The following NYAP2 variants were observed in gnomAD, a reference collection of about 807,000 sequenced individuals.
The protein encoded by NYAP2 is neuronal tyrosine-phosphorylated phosphoinositide-3-kinase adapter 2.
NYAP2 carries 23 observed loss-of-function variants against 50.4 expected under a neutral mutation model. The observed-to-expected ratio is 0.46, with a 90% confidence interval of 0.33 to 0.65. The LOEUF (loss-of-function observed/expected upper bound fraction) is 0.65, where lower values mean the gene tolerates loss of function less well. NYAP2 is among the 30% of genes least tolerant of loss of function. The pLI is 0.02. For synonymous variants in NYAP2, 394 were observed against 365.2 expected (o/e 1.08, Z -0.90); for missense variants, 885 against 861.0 (o/e 1.03, Z -0.35).
At chr2:225,479,100 T>C (rs982911917) in intron 3 of NYAP2, among the ~76,000 whole-genome samples, 3 of 152,158 alleles carry the variant, frequency 2.0e-5, no homozygotes, top group African/African-American at 7.2e-5. Context: ...TTGGGAACAG[T>C]CAACGAGTGG....
At chr2:225,657,781 T>C (rs189462400), downstream of NYAP2, among the ~76,000 whole-genome samples, 44 of 152,208 alleles carry the variant, frequency 2.9e-4, no homozygotes, top group Admixed American at 2.6e-3. Flanking sequence ...CCAGGGACAT[T>C]TTACCTGATC....
At chr2:225,436,015 T>C (rs1689369736) in intron 3 of NYAP2, among the ~76,000 whole-genome samples, 1 of 152,172 alleles carries the variant, frequency 6.6e-6, no homozygotes, top group Non-Finnish European at 1.5e-5. Flanking sequence ...AAATATAAGA[T>C]AAAATTATTT....
chr2:225,466,575 G>C (rs1689922189), intron 3 of NYAP2, among the ~76,000 whole-genome samples: 1 of 152,100 alleles, frequency 6.6e-6, no homozygotes, highest in Non-Finnish European at 1.5e-5. Flanking sequence ...TTATTCTTAT[G>C]ATTTTCCAGT....
chr2:225,667,773 T>C, the NYAP2 span, among the ~76,000 whole-genome samples: 2 of 152,152 alleles, frequency 1.3e-5, no homozygotes, highest in South Asian at 2.1e-4. Context: ...GTTTCATATT[T>C]TCCTTTTGAA....
At chr2:225,477,868 A>G (rs1057066984) in intron 3 of NYAP2, among the ~76,000 whole-genome samples, 1 of 152,184 alleles carries the variant, frequency 6.6e-6, no homozygotes, top group Non-Finnish European at 1.5e-5. Flanking sequence ...TGTAGAGAAA[A>G]CAGGAGAAAA....
chr2:225,664,432 T>C, the NYAP2 span, among the ~76,000 whole-genome samples: 3 of 152,176 alleles, frequency 2.0e-5, no homozygotes, highest in Non-Finnish European at 2.9e-5. Flanking sequence ...TAGTATGTCA[T>C]TGTATCACTG....
intron 3 of NYAP2, among the ~76,000 whole-genome samples, chr2:225,447,674 G>T (rs1279041055): frequency 3.3e-5 from 5 of 152,078 alleles, no homozygotes; most frequent in Non-Finnish European, 7.4e-5. Context: ...TGATTAAATA[G>T]AAGAGGTTGA....
chr2:225,580,207 C>A lies in NYAP2; in HGVS notation c.524-1734C>A, dbSNP rs373972392. Among the ~76,000 whole-genome samples, 23 of 152,318 alleles carry A rather than the reference C, an allele frequency of 1.5e-4. No individual in the cohort carries two copies. The East Asian group carries it at 3.5e-3, about 23-fold the overall frequency. On this transcript the variant is annotated intron_variant, in intron 4 of 6. Coordinates refer to ENST00000636099, the Ensembl canonical transcript of NYAP2. ...CAAGTCCTGACCAAAACTTTGTCAA[C>A]CTTGTTCACTGATTTACAGTTTTAC...
chr2:225,578,672 G>C (rs953653427), intron 4 of NYAP2, among the ~76,000 whole-genome samples: 1 of 152,154 alleles, frequency 6.6e-6, no homozygotes, highest in African/African-American at 2.4e-5. Context: ...AAGTTAAGGA[G>C]ATAAGGGACA....
chr2:225,629,196 GC>G (rs1264500978), intron 6 of NYAP2, among the ~76,000 whole-genome samples: 1 of 152,140 alleles, frequency 6.6e-6, no homozygotes, highest in Non-Finnish European at 1.5e-5. Flanking sequence ...AATCCCAAAA[GC>G]TAGAATGCAG....
At chr2:225,698,842 TTACTA>T in the NYAP2 span, 2 of 151,928 alleles carry the variant, frequency 1.3e-5, no homozygotes, top group Non-Finnish European at 2.9e-5. Flanking sequence ...TATCAAGAGT[TTACTA>T]TATGATATAA....
chr2:225,622,839 C>T (rs1693145529), intron 5 of NYAP2, among the ~76,000 whole-genome samples: 1 of 152,068 alleles, frequency 6.6e-6, no homozygotes, highest in Admixed American at 6.6e-5. Context: ...CCTGCCTTTG[C>T]CTCCCAAAGT....
chr2:225,562,118 G>C (rs1486238172), intron 4 of NYAP2, among the ~76,000 whole-genome samples: 1 of 152,122 alleles, frequency 6.6e-6, no homozygotes, highest in Non-Finnish European at 1.5e-5. Flanking sequence ...TGTTTTGTCA[G>C]TTGTGAGTCT....
At position 225,608,700 on chromosome 2, in the gene NYAP2, GTCTCTACCACACAGTGACTT is replaced by G. The variant is rs539426035; in HGVS notation, c.1619-18193_1619-18174del. ...GCTTTAACTTGCTTATTTTCTACGTGTCTCTACCACACAGTGACTTTCTCTACCACACAGTGACTTTCTGG... is the reference window on the plus strand; with the variant it reads ...GCTTTAACTTGCTTATTTTCTACGTGTCTCTACCACACAGTGACTTTCTGG... On this transcript the variant is annotated intron_variant, in intron 5 of 6. Transcript: ENST00000636099. Among the ~76,000 whole-genome samples the G allele has an allele frequency of 1.2e-4, 19 of 152,098 alleles. No individual in the cohort carries two copies. In the East Asian group the frequency reaches 1.5e-3, roughly 12 times the overall value.
intron 5 of NYAP2, 93 bp downstream of exon 5, chr2:225,583,128 G>A (rs6436570): frequency 0.94 from 1,349,127 of 1,431,092 alleles, 636,619 homozygotes; most frequent in African/African-American, 0.99. Flanking sequence ...CACAGAGTAC[G>A]GGGTCTTGAG....
chr2:225,411,413 A>AT (rs1229780751), intron 3 of NYAP2, among the ~76,000 whole-genome samples: 1 of 152,088 alleles, frequency 6.6e-6, no homozygotes, highest in Non-Finnish European at 1.5e-5. Context: ...AGCGTAACTG[A>AT]TGGGGGGGCA....
chr2:225,502,963 T>G (rs1690633236), intron 3 of NYAP2, among the ~76,000 whole-genome samples: 1 of 152,236 alleles, frequency 6.6e-6, no homozygotes, highest in Non-Finnish European at 1.5e-5. Flanking sequence ...GACAGAGTTG[T>G]TTTGTCCTCC....
chr2:225,532,004 T>G (rs1167970622), intron 4 of NYAP2, among the ~76,000 whole-genome samples: 1 of 152,242 alleles, frequency 6.6e-6, no homozygotes, highest in East Asian at 1.9e-4. Context: ...ATGTTCAGCT[T>G]GTGCCATTTA....
chr2:225,416,451 T>G (rs1261810921), intron 3 of NYAP2, among the ~76,000 whole-genome samples: 1 of 152,134 alleles, frequency 6.6e-6, no homozygotes, highest in East Asian at 1.9e-4. Context: ...CAGGTCAAAA[T>G]GGCGTCTGTC....
Sources: gnomAD v4.1 joint callset for allele counts (sites outside exome capture counted in the v4.1 genomes callset) on GRCh38, gnomAD v4.1.1 for gene constraint, MANE v1.5 for transcripts, NCBI Gene and HGNC (gene_info 2026-07-23, HGNC 2026-07-21) for gene names.